Variants in SLC10A7 observed in about 807,000 individuals in gnomAD.
The protein encoded by SLC10A7 is solute carrier family 10 member 7.
SLC10A7 carries 29 observed loss-of-function variants against 43.2 expected under a neutral mutation model. The ratio of observed to expected loss-of-function variants is 0.67; its 90% CI spans 0.50 to 0.92. The LOEUF (loss-of-function observed/expected upper bound fraction) is 0.92, where lower values mean the gene tolerates loss of function less well. SLC10A7 is among the 40% of genes least tolerant of loss of function. The pLI is 0.00. For synonymous variants in SLC10A7, 152 were observed against 144.8 expected, an observed-to-expected ratio of 1.05 and a Z score of -0.35; for missense variants, 295 against 403.2, an observed-to-expected ratio of 0.73 and a Z score of 2.30.
intron 5 of SLC10A7, among the ~76,000 whole-genome samples, chr4:146,347,730 G>A (rs975177377): frequency 6.6e-6 from 1 of 152,140 alleles, no homozygotes; most frequent in African/African-American, 2.4e-5. Context: ...TACTGGTGCT[G>A]TCTGCTTAGC....
At chr4:146,514,210 GATA>G (rs1737743124) in intron 2 of SLC10A7, 2 of 152,142 alleles carry the variant, frequency 1.3e-5, no homozygotes, top group Non-Finnish European at 2.9e-5. Context: ...TAGGATAAAA[GATA>G]ATAATTTTTA....
At chr4:146,287,295 A>G (rs548993555) in intron 9 of SLC10A7, among the ~76,000 whole-genome samples, 13 of 152,286 alleles carry the variant, frequency 8.5e-5, no homozygotes, top group African/African-American at 2.6e-4. Context: ...AGGATATTTG[A>G]CTATGATTAT....
chr4:146,358,424 T>A (rs1267940582), intron 5 of SLC10A7, among the ~76,000 whole-genome samples: 1 of 152,174 alleles, frequency 6.6e-6, no homozygotes, highest in African/African-American at 2.4e-5. Context: ...TATAAAATTT[T>A]ACATATATGT....
At chr4:146,266,447 G>T (rs531192123) in intron 10 of SLC10A7, among the ~76,000 whole-genome samples, 1 of 150,898 alleles carries the variant, frequency 6.6e-6, no homozygotes, top group Non-Finnish European at 1.5e-5. Flanking sequence ...ACACATGCAC[G>T]CACACACACA....
intron 5 of SLC10A7, among the ~76,000 whole-genome samples, chr4:146,377,899 T>C (rs187894973): frequency 3.3e-5 from 5 of 152,346 alleles, no homozygotes; most frequent in Admixed American, 1.3e-4. Context: ...CATAGGTTTA[T>C]ATGCCAGTAT....
At chr4:146,422,214 T>A (rs1042086314) in intron 5 of SLC10A7, among the ~76,000 whole-genome samples, 2 of 152,178 alleles carry the variant, frequency 1.3e-5, no homozygotes, top group Non-Finnish European at 2.9e-5. Context: ...TACAGGTATG[T>A]AAATAGGGAG....
At position 146,254,605 on chromosome 4, in the gene SLC10A7, C is replaced by T. The variant is rs905619357; in HGVS notation, c.*1886G>A. 1.3e-5 allele frequency: 2 copies of T among 152,162 alleles called. No homozygotes were observed. The allele number at this position is 152,162 out of a possible 1,614,324, so 9.4% of individuals were successfully genotyped here. On this transcript the variant is annotated 3_prime_UTR_variant, in exon 12 of 12. Coordinates refer to ENST00000335472, the MANE Select transcript of SLC10A7 (RefSeq NM_001029998.6). ...TAGCATTTTCAGTTGAATTTTATCC[C>T]ATGATCACACCTACTATAGGTGTTA...
At chr4:146,503,722 C>T in intron 4 of SLC10A7, 127 bp downstream of exon 4, 1 of 751,470 alleles carries the variant, frequency 1.3e-6, no homozygotes, top group South Asian at 1.7e-5. Flanking sequence ...ACACCTCCTT[C>T]TTTCACAAGC....
At chr4:146,319,077 A>G (rs1418653269) in intron 6 of SLC10A7, among the ~76,000 whole-genome samples, 1 of 152,050 alleles carries the variant, frequency 6.6e-6, no homozygotes, top group African/African-American at 2.4e-5. Flanking sequence ...GTACAGCAGA[A>G]CATGCATTCC....
chr4:146,388,203 T>C lies in SLC10A7; in HGVS notation c.435+54580A>G, dbSNP rs116183738. Among the ~76,000 whole-genome samples, 1,046 of 152,234 alleles carry C rather than the reference T, an allele frequency of 6.9e-3. 4 individuals carry two copies. Among genetic ancestry groups the C allele is most frequent in the Admixed American group, 0.011 (171 of 15,288 alleles). On this transcript the variant is annotated intron_variant, in intron 5 of 11. Transcript: ENST00000335472. ...CAAGGCTATATTAACCAAAACAGCA[T>C]GGTATTGGTATAAAAACAGACAAAT...
chr4:146,366,803 A>T (rs1736423391), intron 5 of SLC10A7, among the ~76,000 whole-genome samples: 1 of 152,164 alleles, frequency 6.6e-6, no homozygotes, highest in Non-Finnish European at 1.5e-5. Context: ...TCATTTGGAA[A>T]TATTTACTTT....
rs1450583281 is a variant in SLC10A7, at chr4:146,497,762, CAT to C, written c.396+6085_396+6086del. Reference sequence around the variant, plus strand: ...AAAACCACATAACTCCCTCTCCAAACATAGGGGAATAATTTTCTAGTTTCTTT... The same window carrying C: ...AAAACCACATAACTCCCTCTCCAAACAGGGGAATAATTTTCTAGTTTCTTT... On this transcript the variant is annotated intron_variant, in intron 4 of 11. Transcript: ENST00000335472. Among the ~76,000 whole-genome samples, 5 of 152,228 alleles carry C rather than the reference CAT, an allele frequency of 3.3e-5. No individual in the cohort carries two copies. In the East Asian group the frequency reaches 9.6e-4, roughly 29 times the overall value.
intron 1 of SLC10A7, 108 bp downstream of exon 1, chr4:146,521,510 C>T: frequency 4.6e-6 from 4 of 867,432 alleles, no homozygotes; most frequent in Non-Finnish European, 7.3e-6. Flanking sequence ...GTCAGTGCCC[C>T]CTGAAATTGG....
At chr4:146,398,533 G>T (rs771753989) in intron 5 of SLC10A7, among the ~76,000 whole-genome samples, 15 of 152,122 alleles carry the variant, frequency 9.9e-5, no homozygotes, top group Non-Finnish European at 1.8e-4. Flanking sequence ...AAGAAAAGTA[G>T]ACAAGCCTAG....
At chr4:146,466,285 GA>G (rs1733026474) in intron 4 of SLC10A7, among the ~76,000 whole-genome samples, 1 of 152,104 alleles carries the variant, frequency 6.6e-6, no homozygotes, top group African/African-American at 2.4e-5. Flanking sequence ...GTATAGTACT[GA>G]AGACTTTATT....
At chr4:146,289,718 T>A (rs1055094724) in intron 9 of SLC10A7, among the ~76,000 whole-genome samples, 2 of 138,588 alleles carry the variant, frequency 1.4e-5, no homozygotes, top group South Asian at 2.5e-4. Flanking sequence ...TTTTTTTTTT[T>A]TTTTTTTTTT....
At chr4:146,501,326 C>A (rs1358457831) in intron 4 of SLC10A7, among the ~76,000 whole-genome samples, 3 of 152,126 alleles carry the variant, frequency 2.0e-5, no homozygotes, top group Non-Finnish European at 4.4e-5. Context: ...ATCAAAAAAC[C>A]AAATTCTTGA....
intron 4 of SLC10A7, among the ~76,000 whole-genome samples, chr4:146,472,730 G>A (rs560610396): frequency 6.6e-6 from 1 of 152,040 alleles, no homozygotes; most frequent in Non-Finnish European, 1.5e-5. Flanking sequence ...GCCAAGCAGT[G>A]GTGCCCAATT....
intron 4 of SLC10A7, among the ~76,000 whole-genome samples, chr4:146,480,747 G>T (rs3849038): frequency 6.6e-6 from 1 of 151,814 alleles, no homozygotes; most frequent in Non-Finnish European, 1.5e-5. Context: ...TTGGGGTTCC[G>T]TTCTAAAGAT....
Sources: gnomAD v4.1 joint callset for allele counts (sites outside exome capture counted in the v4.1 genomes callset) on GRCh38, gnomAD v4.1.1 for gene constraint, MANE v1.5 for transcripts, NCBI Gene and HGNC (gene_info 2026-07-23, HGNC 2026-07-21) for gene names.